Variants in TRPM3 observed in about 807,000 individuals in gnomAD.
TRPM3 encodes long transient receptor potential channel 3.
A neutral mutation model predicts 181.2 loss-of-function variants in TRPM3; 77 were observed. The ratio of observed to expected loss-of-function variants is 0.42; its 90% confidence interval spans 0.35 to 0.51. The LOEUF is 0.51. TRPM3 is among the 20% of genes least tolerant of loss of function. The pLI is 0.01. For synonymous variants in TRPM3, 745 were observed against 796.4 expected (o/e 0.94, Z 1.09); for missense variants, 1,759 against 2,196.7 (o/e 0.80, Z 3.98).
chr9:70,948,847 C>T (rs1251800618), intron 1 of TRPM3, among the ~76,000 whole-genome samples: 1 of 152,050 alleles, frequency 6.6e-6, no homozygotes, highest in East Asian at 1.9e-4. Context: ...TTTTCTATTG[C>T]CAAGAATAGT....
At chr9:71,142,105 T>C (rs2075138677) in intron 1 of TRPM3, among the ~76,000 whole-genome samples, 1 of 152,108 alleles carries the variant, frequency 6.6e-6, no homozygotes, top group African/African-American at 2.4e-5. Context: ...TTGAATAGGG[T>C]CAAGAATAAC....
chr9:70,617,269 G>T (rs536264060), intron 17 of TRPM3, among the ~76,000 whole-genome samples: 2 of 152,292 alleles, frequency 1.3e-5, no homozygotes, highest in South Asian at 2.1e-4. Context: ...GGGCTTGGCG[G>T]TCACCAGCAG....
intron 7 of TRPM3, 136 bp from the exon 8 acceptor site, chr9:70,761,860 G>T: frequency 9.7e-7 from 1 of 1,030,786 alleles, no homozygotes; most frequent in East Asian, 2.8e-5. Flanking sequence ...TCTCACAAAA[G>T]GTATCCCGCC....
rs187820167 is a variant in TRPM3 at position 71,308,895 on chromosome 9, C to A, written c.183+137758G>T. ...CTCCCTTAATGTCACTCTCCAAGCA[C>A]ACCAAAGAATATGTCATTCTGTCAT... On this transcript the variant is annotated intron_variant, in intron 1 of 24. Transcript: ENST00000357533. Among the ~76,000 whole-genome samples the A allele has an allele frequency of 2.0e-5, 3 of 152,226 alleles. No individual in the cohort carries two copies. The East Asian group carries it at 5.8e-4, about 29-fold the overall frequency.
At chr9:70,838,813 T>C (rs898604586) in intron 5 of TRPM3, among the ~76,000 whole-genome samples, 1 of 152,104 alleles carries the variant, frequency 6.6e-6, no homozygotes, top group Admixed American at 6.6e-5. Context: ...ATAGCCTTAT[T>C]CCTCACCAAA....
At chr9:70,550,435 T>C (rs2046200971) in intron 24 of TRPM3, among the ~76,000 whole-genome samples, 1 of 152,218 alleles carries the variant, frequency 6.6e-6, no homozygotes, top group Non-Finnish European at 1.5e-5. Context: ...GAGCCATTGT[T>C]GAGCTCTGGG....
intron 8 of TRPM3, among the ~76,000 whole-genome samples, chr9:70,699,926 G>A (rs1003599144): frequency 2.0e-4 from 30 of 152,288 alleles, no homozygotes; most frequent in African/African-American, 7.2e-4. Context: ...CATCAAAGAT[G>A]ACTCCAAGTT....
intron 1 of TRPM3, among the ~76,000 whole-genome samples, chr9:71,298,464 A>ATCTGG (rs956121179): frequency 2.0e-5 from 3 of 149,466 alleles, no homozygotes; most frequent in Non-Finnish European, 4.5e-5. Flanking sequence ...ATTCAAAATA[A>ATCTGG]TCTGGTCTTT....
chr9:70,808,453 G>A (rs1466165342), intron 6 of TRPM3, among the ~76,000 whole-genome samples: 6 of 152,264 alleles, frequency 3.9e-5, no homozygotes, highest in Admixed American at 3.3e-4. Flanking sequence ...AGGAAAATGG[G>A]TGAGATAAAC....
upstream of TRPM3, among the ~76,000 whole-genome samples, chr9:71,121,955 T>C (rs2073700482): frequency 6.6e-6 from 1 of 152,138 alleles, no homozygotes; most frequent in Non-Finnish European, 1.5e-5. Context: ...TGTTCTGAGG[T>C]TTTTATTAAC....
chr9:70,633,776 G>C (rs567659484), intron 12 of TRPM3, among the ~76,000 whole-genome samples: 1 of 152,332 alleles, frequency 6.6e-6, no homozygotes, highest in African/African-American at 2.4e-5. Context: ...CCTGTGAGAT[G>C]AAGAAATCAT....
chr9:70,618,914 C>G lies in TRPM3; in HGVS notation c.2311G>C (p.Asp771His), dbSNP rs759811607. ...AHTCSQMLLT[D>H]MWMGRLRMRK... is the part of the protein sequence containing the mutation. Reference sequence around the variant, plus strand: ...ATGCGGAGCCGGCCCATCCACATGTCGGTGAGCAGCATCTGGCTGCACGTG... The same window carrying G: ...ATGCGGAGCCGGCCCATCCACATGTGGGTGAGCAGCATCTGGCTGCACGTG... The change falls in exon 17 of 26, where the codon GAC becomes CAC. Residue 771 changes from aspartate (D) to histidine (H), a missense_variant. Physicochemically the swap from Asp to His is moderately conservative, Grantham distance 81. Transcript: ENST00000677713. 1 of 1,611,618 alleles carries G rather than the reference C, an allele frequency of 6.2e-7. No individual in the cohort carries two copies. The highest frequency in any genetic ancestry group is 1.3e-5 in the African/African-American group (1 of 74,950).
At chr9:71,276,864 C>T (rs2084255308) in intron 1 of TRPM3, among the ~76,000 whole-genome samples, 1 of 152,000 alleles carries the variant, frequency 6.6e-6, no homozygotes, top group African/African-American at 2.4e-5. Flanking sequence ...AATTATGCTG[C>T]TTATGATAGC....
intron 1 of TRPM3, among the ~76,000 whole-genome samples, chr9:70,885,940 C>T (rs1180740585): frequency 6.6e-6 from 1 of 152,118 alleles, no homozygotes; most frequent in Non-Finnish European, 1.5e-5. Flanking sequence ...AATTTGGCAA[C>T]TTGGCATTTA....
chr9:71,273,613 C>A (rs927857263), intron 1 of TRPM3, among the ~76,000 whole-genome samples: 1 of 152,156 alleles, frequency 6.6e-6, no homozygotes, highest in African/African-American at 2.4e-5. Context: ...AGGCTTTATG[C>A]GACTCTGGGA....
chr9:71,420,775 GAAA>G (rs2093731059), intron 1 of TRPM3, among the ~76,000 whole-genome samples: 1 of 18,024 alleles, frequency 5.5e-5, no homozygotes, highest in Admixed American at 4.9e-4. Context: ...GAAAGAGAGA[GAAA>G]GAGAGAGAAA....
chr9:71,101,950 A>C (rs549877849), intron 1 of TRPM3, among the ~76,000 whole-genome samples: 1 of 152,308 alleles, frequency 6.6e-6, no homozygotes, highest in African/African-American at 2.4e-5. Flanking sequence ...CAATTAAATC[A>C]AAACTATTCC....
At chr9:71,294,738 TCAA>T (rs1288045795) in intron 1 of TRPM3, among the ~76,000 whole-genome samples, 3 of 152,056 alleles carry the variant, frequency 2.0e-5, no homozygotes, top group African/African-American at 7.2e-5. Context: ...CAGATATTCA[TCAA>T]CAAGATGACA....
intron 1 of TRPM3, among the ~76,000 whole-genome samples, chr9:71,271,036 A>T (rs1253871701): frequency 6.6e-6 from 1 of 152,328 alleles, no homozygotes; most frequent in South Asian, 2.1e-4. Flanking sequence ...CAATAGAACT[A>T]TCCAAATAAG....
Sources: allele counts gnomAD v4.1 joint callset (sites outside exome capture counted in the v4.1 genomes callset), GRCh38; gene constraint gnomAD v4.1.1; transcripts MANE v1.5; gene names NCBI Gene and HGNC (gene_info 2026-07-23, HGNC 2026-07-21).